Variants in TMPRSS15 observed in about 807,000 individuals in gnomAD.
The protein encoded by TMPRSS15 is enteropeptidase.
A neutral mutation model predicts 125.3 loss-of-function variants in TMPRSS15; 128 were observed. That is an observed-to-expected ratio of 1.02 (90% CI 0.89 to 1.18). The LOEUF is 1.18. Among genes scored for constraint, TMPRSS15 ranks in the 50% most tolerant of loss-of-function variants. The pLI, the probability that TMPRSS15 is intolerant of heterozygous loss-of-function variation, is 0.00. For synonymous variants in TMPRSS15, 446 were observed against 423.2 expected (o/e 1.05, Z -0.66); for missense variants, 1,283 against 1,212.7 (o/e 1.06, Z -0.86).
At chr21:18,296,455 G>GT (rs1276403349) in intron 19 of TMPRSS15, among the ~76,000 whole-genome samples, 2 of 152,196 alleles carry the variant, frequency 1.3e-5, no homozygotes, top group Non-Finnish European at 2.9e-5. Context: ...GCTTGTTGAT[G>GT]TGATGAAAGG....
At position 18,453,767 on chromosome 21, in the gene TMPRSS15, G is replaced by A. The variant is rs923983551; in HGVS notation, c.10+32032C>T. Among the ~76,000 whole-genome samples, 7 of 152,144 alleles carry A rather than the reference G, an allele frequency of 4.6e-5. No homozygotes were observed. The East Asian group carries it at 1.3e-3, about 29-fold the overall frequency. On this transcript the variant is annotated intron_variant, in intron 1 of 7. Coordinates refer to the TMPRSS15 transcript ENST00000422787. Reference sequence around the variant, plus strand: ...AAACAATCCAAGGGTCCATCACAGTGAATGAATAAAGAAAATCTGGTATAT... The same window carrying A: ...AAACAATCCAAGGGTCCATCACAGTAAATGAATAAAGAAAATCTGGTATAT...
At chr21:18,342,814 C>A (rs1309693475) in intron 12 of TMPRSS15, among the ~76,000 whole-genome samples, 1 of 152,122 alleles carries the variant, frequency 6.6e-6, no homozygotes, top group Non-Finnish European at 1.5e-5. Flanking sequence ...AAATCTGAAG[C>A]CTTTGATGAT....
chr21:18,427,432 A>G lies in TMPRSS15; in HGVS notation c.11-29103T>C, dbSNP rs60062064. Among the ~76,000 whole-genome samples, 54 of 152,358 alleles carry G rather than the reference A, an allele frequency of 3.5e-4. No homozygotes were observed. The East Asian group carries it at 9.8e-3, about 28-fold the overall frequency. Reference sequence around the variant, plus strand: ...CTGAAGATGGATAAATAAAATTCTTAACTGTTTATTTCTTTTAACAACTGT... The same window carrying G: ...CTGAAGATGGATAAATAAAATTCTTGACTGTTTATTTCTTTTAACAACTGT... On this transcript the variant is annotated intron_variant, in intron 1 of 7. Coordinates refer to the TMPRSS15 transcript ENST00000422787.
chr21:18,321,349 C>CTTTTTTTT lies in TMPRSS15; in HGVS notation c.1921+5075_1921+5082dup, dbSNP rs751011766. ...TGAAGCAAAAACGATTTTTTTCCTT[C>CTTTTTTTT]TTTTTTTTTTTTTTTTTTTTTGAGA... On this transcript the variant is annotated intron_variant, in intron 16 of 24. Coordinates refer to ENST00000284885, the MANE Select transcript of TMPRSS15 (RefSeq NM_002772.3). Among the ~76,000 whole-genome samples, 56 of 100,586 alleles carry CTTTTTTTT rather than the reference C, an allele frequency of 5.6e-4. 1 individual carries two copies. Among genetic ancestry groups the CTTTTTTTT allele is most frequent in the African/African-American group, 1.7e-3 (41 of 24,670 alleles). 66.0% of individuals were successfully genotyped at this position (100,586 alleles called of 152,430 possible). A position where few individuals can be genotyped will look rare whatever the true frequency, so the allele number is the denominator to read the frequency against.
intron 10 of TMPRSS15, 73 bp downstream of exon 10, chr21:18,352,830 G>C: frequency 1.3e-6 from 2 of 1,512,064 alleles, no homozygotes; most frequent in Non-Finnish European, 1.8e-6. Flanking sequence ...TTACACTGCA[G>C]TACAACACAT....
chr21:18,415,555 T>G lies in TMPRSS15; in HGVS notation c.11-17226A>C, dbSNP rs77891072. 4.7e-3 allele frequency among the ~76,000 whole-genome samples: 713 copies of G among 152,180 alleles called. 7 individuals are homozygous for G. The highest frequency in any genetic ancestry group is 0.014 in the African/African-American group (564 of 41,556). On this transcript the variant is annotated intron_variant, in intron 1 of 7. Coordinates refer to the TMPRSS15 transcript ENST00000422787. ...GTGGTGTTAGGCAGAGATCTATTTT[T>G]GTTTTTTTGAAGGTAGTGTCTAGTT...
chr21:18,308,458 T>A (rs1171228404), intron 18 of TMPRSS15, among the ~76,000 whole-genome samples: 1 of 152,004 alleles, frequency 6.6e-6, no homozygotes, highest in Non-Finnish European at 1.5e-5. Flanking sequence ...TCGATTTTTT[T>A]AACACATACT....
At chr21:18,389,721 A>G (rs145825519) in intron 3 of TMPRSS15, among the ~76,000 whole-genome samples, 360 of 152,244 alleles carry the variant, frequency 2.4e-3, no homozygotes, top group African/African-American at 8.4e-3. Flanking sequence ...ACCTTCTGCC[A>G]TTGTTTTTCT....
intron 1 of TMPRSS15, among the ~76,000 whole-genome samples, chr21:18,469,334 T>C (rs1241458554): frequency 6.6e-6 from 1 of 152,188 alleles, no homozygotes. Flanking sequence ...TTATGCAATC[T>C]GATGTGTTCC....
At chr21:18,282,650 C>T (rs34247769) in intron 21 of TMPRSS15, among the ~76,000 whole-genome samples, 9,936 of 152,158 alleles carry the variant, frequency 0.065, 945 homozygotes, top group African/African-American at 0.21. Context: ...AAGAAATACA[C>T]CTAAGTGCTC....
At chr21:18,447,725 A>G (rs1407872326) in intron 1 of TMPRSS15, among the ~76,000 whole-genome samples, 2 of 151,996 alleles carry the variant, frequency 1.3e-5, no homozygotes, top group East Asian at 1.9e-4. Flanking sequence ...GCTTGTTGCC[A>G]TGTAAGATGT....
chr21:18,437,051 A>G (rs1405396309), intron 1 of TMPRSS15, among the ~76,000 whole-genome samples: 1 of 147,668 alleles, frequency 6.8e-6, no homozygotes, highest in Non-Finnish European at 1.5e-5. Flanking sequence ...AGCTGAAGGC[A>G]TCATGCTACC....
chr21:18,460,750 T>A lies in TMPRSS15; in HGVS notation c.10+25049A>T, dbSNP rs2122951908. ...CCTTCAACTGATTGGATGAGACTCA[T>A]CCACATAATGAAGGACCCAATGCTT... is the stretch of plus-strand genomic sequence containing the variant. On this transcript the variant is annotated intron_variant, in intron 1 of 7. Transcript: ENST00000422787. 7 of 152,302 alleles carry A rather than the reference T, an allele frequency of 4.6e-5. No homozygotes were observed. In the South Asian group the frequency reaches 6.2e-4, roughly 14 times the overall value. The allele number at this position is 152,302 out of a possible 1,614,324, so 9.4% of individuals were successfully genotyped here.
At chr21:18,298,138 A>G (rs762361049) in intron 18 of TMPRSS15, among the ~76,000 whole-genome samples, 4 of 152,196 alleles carry the variant, frequency 2.6e-5, no homozygotes, top group Non-Finnish European at 5.9e-5. Flanking sequence ...TACCTGTTTT[A>G]TAAATGTGAT....
chr21:18,471,193 G>T (rs1313370599), intron 1 of TMPRSS15, among the ~76,000 whole-genome samples: 2 of 151,828 alleles, frequency 1.3e-5, no homozygotes, highest in African/African-American at 4.8e-5. Flanking sequence ...AAATTAAGCT[G>T]GTTTTGATAA....
intron 6 of TMPRSS15, among the ~76,000 whole-genome samples, chr21:18,369,258 C>T (rs764135652): frequency 3.3e-5 from 5 of 152,244 alleles, no homozygotes; most frequent in East Asian, 1.9e-4. Context: ...TGTGTCTTTG[C>T]TCATGGCATT....
In TMPRSS15 at chr21:18,275,152, C is replaced by T. The variant is rs776525722; in HGVS notation, c.2904+45G>A. The T allele has an allele frequency of 4.4e-6, 7 of 1,604,692 alleles. No homozygotes were observed. In the South Asian group the frequency reaches 7.7e-5, roughly 18 times the overall value. On this transcript the variant is annotated intron_variant, in intron 24 of 24. Coordinates refer to ENST00000284885, the MANE Select transcript of TMPRSS15 (RefSeq NM_002772.3). ...GTTAAGCAATGAAATAACTATAACA[C>T]CAGTGCTTTCTGAAAAGGTACAGTG...
At chr21:18,334,428 G>C (rs1162048343) in intron 13 of TMPRSS15, among the ~76,000 whole-genome samples, 1 of 152,150 alleles carries the variant, frequency 6.6e-6, no homozygotes, top group Non-Finnish European at 1.5e-5. Context: ...TATGGGGAGA[G>C]AACGCAATGT....
At position 18,472,883 on chromosome 21, in the gene TMPRSS15, A is replaced by G. The variant is rs558380660; in HGVS notation, c.10+12916T>C. Among the ~76,000 whole-genome samples the G allele has an allele frequency of 4.6e-5, 7 of 152,240 alleles. No homozygotes were observed. The South Asian group carries it at 1.4e-3, about 32-fold the overall frequency. On this transcript the variant is annotated intron_variant, in intron 1 of 7. Transcript: ENST00000422787. The stretch of plus-strand genomic sequence containing the variant: ...ATGTGAACAGTAGGTAGTTATTCCA[A>G]TAAGAAGGCACAATAATAGCACGTA...
Sources: allele counts gnomAD v4.1 joint callset (sites outside exome capture counted in the v4.1 genomes callset), GRCh38; gene constraint gnomAD v4.1.1; transcripts MANE v1.5; gene names NCBI Gene and HGNC (gene_info 2026-07-23, HGNC 2026-07-21).